HECTD2: variants seen among roughly 807,000 people sequenced by gnomAD.
HECTD2 encodes the protein probable E3 ubiquitin-protein ligase HECTD2.
HECTD2 carries 35 observed loss-of-function variants against 103.2 expected under a neutral mutation model. The ratio of observed to expected loss-of-function variants is 0.34; its 90% CI spans 0.26 to 0.45. HECTD2 has a LOEUF of 0.45. Ranked by LOEUF, HECTD2 falls within the 20% of genes least tolerant of loss-of-function variation. The pLI is 1.00. For missense variants in HECTD2, 596 were observed against 937.4 expected (o/e 0.64, Z 4.76); for synonymous variants, 281 against 329.9 (o/e 0.85, Z 1.61).
At chr10:91,438,666 A>G (rs1168072231) in intron 2 of HECTD2, among the ~76,000 whole-genome samples, 1 of 152,122 alleles carries the variant, frequency 6.6e-6, no homozygotes, top group East Asian at 1.9e-4. Flanking sequence ...GTCTTCCACA[A>G]TGGTTTAACT....
chr10:91,490,654 G>A (rs1846431845), intron 11 of HECTD2, among the ~76,000 whole-genome samples: 1 of 151,914 alleles, frequency 6.6e-6, no homozygotes, highest in South Asian at 2.1e-4. Flanking sequence ...CACTTTGGGA[G>A]GCCGAGGCGG....
chr10:91,488,980 G>A (rs1036244318), intron 11 of HECTD2: 9 of 152,064 alleles, frequency 5.9e-5, no homozygotes, highest in Non-Finnish European at 7.4e-5. Flanking sequence ...AGTTGTACTC[G>A]TACAATGTCA....
chr10:91,503,897 G>C (rs1321251755), intron 20 of HECTD2, among the ~76,000 whole-genome samples: 1 of 152,220 alleles, frequency 6.6e-6, no homozygotes, highest in African/African-American at 2.4e-5. Flanking sequence ...TTTGAAGAGA[G>C]CAGGGGTTCT....
At chr10:91,423,904 A>G (rs1843454756) in intron 1 of HECTD2, among the ~76,000 whole-genome samples, 1 of 152,206 alleles carries the variant, frequency 6.6e-6, no homozygotes, top group South Asian at 2.1e-4. Context: ...AATTAGAAGA[A>G]TAAATAAGAA....
chr10:91,462,228 T>C (rs1214110029), intron 5 of HECTD2, 44 bp downstream of exon 5: 4 of 1,503,342 alleles, frequency 2.7e-6, no homozygotes, highest in Admixed American at 4.3e-5. Flanking sequence ...GTGTCTCTTC[T>C]GTATATCAAA....
At chr10:91,499,270 T>G (rs886770602) in intron 18 of HECTD2, 120 bp downstream of exon 18, 6 of 619,068 alleles carry the variant, frequency 9.7e-6, no homozygotes, top group Admixed American at 3.3e-5. Flanking sequence ...TTCTACTTTT[T>G]AAAAGTAGAA....
At position 91,487,578 on chromosome 10, in the gene HECTD2, A is replaced by G. The variant is rs756565284; in HGVS notation, c.1095-104A>G. On this transcript the variant is annotated intron_variant, in intron 10 of 20. Transcript: ENST00000298068. The surrounding 1 kb of genome is among the most constrained non-coding windows in gnomAD (Gnocchi z 4.1). ...TTTGTATATGGTAAAACACAATCCA[A>G]AAGTAATGTTTTATATTGCTACAAG... The G allele has an allele frequency of 1.2e-5, 9 of 781,404 alleles. No homozygotes were observed. Among genetic ancestry groups the G allele is most frequent in the Non-Finnish European group, 1.9e-5 (8 of 428,638 alleles). The allele number at this position is 781,404 out of a possible 1,614,324, so 48.4% of individuals were successfully genotyped here.
chr10:91,498,905 T>C lies in HECTD2; in HGVS notation c.1789T>C (p.Tyr597His). ...AGAAGAATTTGGAATAATCAAGTCC[T>C]ATAATTTAAAGCCCGGTGGTGATAA... is the stretch of plus-strand genomic sequence containing the variant. ...FQEEFGIIKS[Y>H]NLKPGGDKIS... The change falls in exon 17 of 21, where the codon TAT becomes CAT. Residue 597 changes from tyrosine to histidine, a missense_variant. Physicochemically the swap from Tyr to His is moderately conservative, Grantham distance 83 (BLOSUM62 2). This residue lies in a region of HECTD2 where 303 missense variants were observed against 522.5 expected (regional missense o/e 0.58). Transcript: ENST00000298068. 1 of 1,606,168 alleles carries C rather than the reference T, an allele frequency of 6.2e-7. No individual in the cohort carries two copies. Among genetic ancestry groups the C allele is most frequent in the Non-Finnish European group, 8.5e-7 (1 of 1,174,190 alleles).
intron 20 of HECTD2, among the ~76,000 whole-genome samples, chr10:91,502,569 GTCA>G (rs555126688): frequency 1.5e-3 from 226 of 152,144 alleles, no homozygotes; most frequent in Middle Eastern, 3.4e-3. Flanking sequence ...TAGTATTTAT[GTCA>G]TCATCAAGAT....
At chr10:91,474,188 T>C (rs1383644257) in intron 5 of HECTD2, among the ~76,000 whole-genome samples, 2 of 152,128 alleles carry the variant, frequency 1.3e-5, no homozygotes, top group Admixed American at 6.6e-5. Context: ...ATAACTTTCT[T>C]AACTGGAGAG....
At chr10:91,467,879 G>C (rs1295083702) in intron 5 of HECTD2, among the ~76,000 whole-genome samples, 1 of 151,170 alleles carries the variant, frequency 6.6e-6, no homozygotes, top group Admixed American at 6.6e-5. Context: ...CTAGCAACTA[G>C]CCCCCCCACC....
At chr10:91,498,262 G>A in intron 16 of HECTD2, 80 bp downstream of exon 16, 1 of 955,614 alleles carries the variant, frequency 1.0e-6, no homozygotes, top group Non-Finnish European at 1.7e-6. Flanking sequence ...AATACCCACT[G>A]TTAGAAAAGA....
chr10:91,492,993 T>C (rs1846535378), intron 13 of HECTD2, among the ~76,000 whole-genome samples: 2 of 151,838 alleles, frequency 1.3e-5, no homozygotes, highest in Non-Finnish European at 2.9e-5. Context: ...ATTTTCAGTG[T>C]TTTCCTTATT....
At chr10:91,420,079 T>C (rs1843290288) in intron 1 of HECTD2, among the ~76,000 whole-genome samples, 1 of 152,168 alleles carries the variant, frequency 6.6e-6, no homozygotes, top group African/African-American at 2.4e-5. Flanking sequence ...AGTCTTAGGT[T>C]GTAAGATTTC....
chr10:91,506,689 A>C (rs865797491), intron 20 of HECTD2, among the ~76,000 whole-genome samples: 4,929 of 151,918 alleles, frequency 0.032, 159 homozygotes, highest in African/African-American at 0.082. Flanking sequence ...GAGTTCTACC[A>C]GAGGTACAAG....
chr10:91,500,374 T>A, intron 18 of HECTD2, 128 bp from the exon 19 acceptor site: 18 of 420,420 alleles, frequency 4.3e-5, no homozygotes, highest in East Asian at 1.2e-4. Context: ...CGATTTTTCT[T>A]CAACAAAAAT....
At chr10:91,451,285 A>G (rs1358198035) in intron 2 of HECTD2, among the ~76,000 whole-genome samples, 1 of 152,050 alleles carries the variant, frequency 6.6e-6, no homozygotes, top group Admixed American at 6.6e-5. Context: ...AAAACCGAAC[A>G]CCACATGTTC....
intron 1 of HECTD2, among the ~76,000 whole-genome samples, chr10:91,423,337 A>G (rs568258246): frequency 6.6e-6 from 1 of 152,270 alleles, no homozygotes; most frequent in Admixed American, 6.5e-5. Flanking sequence ...ACATATAGGA[A>G]TGTTATAATG....
At chr10:91,503,826 G>T (rs1847021095) in intron 20 of HECTD2, among the ~76,000 whole-genome samples, 3 of 152,202 alleles carry the variant, frequency 2.0e-5, no homozygotes, top group Non-Finnish European at 4.4e-5. Flanking sequence ...TGGGGGCAGG[G>T]CACAGACAAA....
Sources: gnomAD v4.1 joint callset for allele counts (sites outside exome capture counted in the v4.1 genomes callset) on GRCh38, gnomAD v4.1.1 for gene constraint, gnomAD v4.1.1 regional missense constraint, Gnocchi (gnomAD v3.1) non-coding constraint, MANE v1.5 for transcripts, NCBI Gene and HGNC (gene_info 2026-07-23, HGNC 2026-07-21) for gene names.